Variants in HRH1 observed in about 807,000 individuals in gnomAD.
HRH1 encodes the protein histamine receptor H1.
A neutral mutation model predicts 10.3 loss-of-function variants in HRH1; 6 were observed. That is an observed-to-expected ratio of 0.58 (90% confidence interval 0.32 to 1.15). The LOEUF (loss-of-function observed/expected upper bound fraction) is 1.15. Ranked by LOEUF, HRH1 falls within the 50% of genes most tolerant of loss-of-function variation. The pLI is 0.05. For missense variants in HRH1, 514 were observed against 615.3 expected, an observed-to-expected ratio of 0.84 and a Z score of 1.74; for synonymous variants, 242 against 236.7, an observed-to-expected ratio of 1.02 and a Z score of -0.21.
chr3:11,221,397 CA>C (rs966822700), intron 1 of HRH1, among the ~76,000 whole-genome samples: 1 of 151,108 alleles, frequency 6.6e-6, no homozygotes, highest in Admixed American at 6.6e-5. Context: ...TACTAAAATA[CA>C]AAAAAAATTA....
At chr3:11,187,171 G>A (rs987397649) in intron 1 of HRH1, among the ~76,000 whole-genome samples, 6 of 152,094 alleles carry the variant, frequency 3.9e-5, no homozygotes, top group Non-Finnish European at 7.4e-5. Context: ...GTAAGTGTGA[G>A]CCCTACTTTC....
intron 1 of HRH1, among the ~76,000 whole-genome samples, chr3:11,239,217 A>C (rs915541510): frequency 6.6e-6 from 1 of 152,206 alleles, no homozygotes; most frequent in Admixed American, 6.5e-5. Context: ...AGTCCATGTG[A>C]AGTGGTATCT....
Position 11,259,854 on chromosome 3 carries a change from T to C in HRH1, c.817T>C (p.Leu273=). The change falls in exon 2 of 2, where the codon TTG becomes CTG. Residue 273 remains leucine, a synonymous_variant. Transcript: ENST00000431010. This position sits in a 1 kb window ranked among gnomAD's most constrained non-coding sequence, Gnocchi z 4.6. ...AAAAGATGCTGGTGGTGGATCTGTC[T>C]TGAAGTCACCATCCCAAACCCCCAA... is the stretch of plus-strand genomic sequence containing the variant. The part of the protein sequence containing the change: ...KPKDAGGGSV[L]KSPSQTPKEM... The C allele has an allele frequency of 6.2e-7, 1 of 1,614,126 alleles. No individual in the cohort carries two copies. The highest frequency in any genetic ancestry group is 8.5e-7 in the Non-Finnish European group (1 of 1,180,028).
chr3:11,160,783 G>A (rs1385288350), intron 1 of HRH1, among the ~76,000 whole-genome samples: 1 of 152,312 alleles, frequency 6.6e-6, no homozygotes. Flanking sequence ...TTTCTGAACT[G>A]TCTGTTCTGA....
intron 1 of HRH1, among the ~76,000 whole-genome samples, chr3:11,183,617 CATGTACA>C (rs1447901437): frequency 2.0e-5 from 3 of 152,182 alleles, no homozygotes; most frequent in African/African-American, 7.2e-5. Flanking sequence ...CGGCGGCATG[CATGTACA>C]TGAGGGTGAA....
intron 1 of HRH1, among the ~76,000 whole-genome samples, chr3:11,254,952 A>T (rs1939746570): frequency 6.6e-6 from 1 of 152,118 alleles, no homozygotes; most frequent in African/African-American, 2.4e-5. Context: ...AGCTAATTCG[A>T]TTGGCTAAGA....
chr3:11,207,537 C>T (rs1938179970), intron 1 of HRH1, among the ~76,000 whole-genome samples: 1 of 152,064 alleles, frequency 6.6e-6, no homozygotes, highest in African/African-American at 2.4e-5. Flanking sequence ...CCACTGCACT[C>T]CAGCCTGGGC....
Position 11,260,869 on chromosome 3 carries a change from C to A in HRH1, c.*368C>A. The A allele has an allele frequency of 4.9e-6, 1 of 205,126 alleles. No homozygotes were observed. Among genetic ancestry groups the A allele is most frequent in the East Asian group, 1.3e-4 (1 of 7,496 alleles). The allele number at this position is 205,126 out of a possible 1,614,324, so 12.7% of individuals were successfully genotyped here. On this transcript the variant is annotated 3_prime_UTR_variant, in exon 2 of 2. Transcript: ENST00000431010. The stretch of plus-strand genomic sequence containing the variant: ...CAGACTCATTGTAATTCAAGCTTTC[C>A]GAGTCAAGTGATTGACAACTGAAGA...
chr3:11,168,629 C>T (rs573109243), intron 1 of HRH1, among the ~76,000 whole-genome samples: 44 of 152,380 alleles, frequency 2.9e-4, no homozygotes, highest in Non-Finnish European at 3.1e-4. Flanking sequence ...TGAGCGTAAT[C>T]GTTGTGCCTG....
intron 1 of HRH1, among the ~76,000 whole-genome samples, chr3:11,201,361 G>C (rs1937900289): frequency 6.6e-6 from 1 of 152,214 alleles, no homozygotes; most frequent in Non-Finnish European, 1.5e-5. Context: ...GACAGCATGT[G>C]CACAAGCTCC....
chr3:11,215,204 G>A (rs891139626), intron 1 of HRH1, among the ~76,000 whole-genome samples: 1 of 152,148 alleles, frequency 6.6e-6, no homozygotes, highest in African/African-American at 2.4e-5. Context: ...CTTGTTTAAG[G>A]CATCTTCTCC....
chr3:11,200,697 G>A (rs141964336), intron 1 of HRH1, among the ~76,000 whole-genome samples: 219 of 152,298 alleles, frequency 1.4e-3, no homozygotes, highest in African/African-American at 4.8e-3. Flanking sequence ...ATGGAAGGGT[G>A]AGGAAATTAA....
At chr3:11,184,121 TC>T (rs988492711) in intron 1 of HRH1, among the ~76,000 whole-genome samples, 23 of 152,084 alleles carry the variant, frequency 1.5e-4, no homozygotes, top group African/African-American at 5.5e-4. Context: ...GGATTAAAAG[TC>T]CCCCAGTCTT....
intron 1 of HRH1, among the ~76,000 whole-genome samples, chr3:11,205,605 A>G (rs542508873): frequency 6.6e-6 from 1 of 151,976 alleles, no homozygotes; most frequent in African/African-American, 2.4e-5. Context: ...GAGCTCTCCC[A>G]GCACCCCATG....
chr3:11,153,816 A>T (rs559785144), upstream of HRH1, among the ~76,000 whole-genome samples: 2 of 151,980 alleles, frequency 1.3e-5, no homozygotes, highest in African/African-American at 4.8e-5. Flanking sequence ...ATTAAAACAC[A>T]TCCTATTTTG....
chr3:11,249,093 G>A (rs1410810289), intron 1 of HRH1, among the ~76,000 whole-genome samples: 5 of 152,110 alleles, frequency 3.3e-5, no homozygotes, highest in Non-Finnish European at 7.4e-5. Context: ...GTGAGAAAAG[G>A]TTTGGTTAGA....
At chr3:11,189,778 A>G (rs1937509559) in intron 1 of HRH1, among the ~76,000 whole-genome samples, 1 of 151,260 alleles carries the variant, frequency 6.6e-6, no homozygotes, top group Non-Finnish European at 1.5e-5. Flanking sequence ...ATAAATAAAT[A>G]AAATAAAAAT....
At chr3:11,194,409 A>C (rs1027025380) in intron 1 of HRH1, among the ~76,000 whole-genome samples, 2 of 152,198 alleles carry the variant, frequency 1.3e-5, no homozygotes, top group African/African-American at 4.8e-5. Flanking sequence ...GTGTCACCTC[A>C]GGCTCCCACC....
chr3:11,183,130 G>A (rs1937388802), intron 1 of HRH1, among the ~76,000 whole-genome samples: 1 of 152,120 alleles, frequency 6.6e-6, no homozygotes, highest in Non-Finnish European at 1.5e-5. Flanking sequence ...TGCAATCCAG[G>A]CTTAGCCCAG....
Sources: allele counts gnomAD v4.1 joint callset (sites outside exome capture counted in the v4.1 genomes callset), GRCh38; gene constraint gnomAD v4.1.1; non-coding constraint Gnocchi (gnomAD v3.1); transcripts MANE v1.5; gene names NCBI Gene and HGNC (gene_info 2026-07-23, HGNC 2026-07-21).